HPSE2: variants seen among roughly 807,000 people sequenced by gnomAD.
The protein encoded by HPSE2 is inactive heparanase-2.
Under a neutral mutation model 60.5 loss-of-function variants are expected in HPSE2, and 38 were observed. That is an observed-to-expected ratio of 0.63 (90% CI 0.48 to 0.82). HPSE2 has a LOEUF of 0.82. HPSE2 is among the 40% of genes least tolerant of loss of function. The pLI, the probability that HPSE2 is intolerant of heterozygous loss-of-function variation, is 0.00. For synonymous variants in HPSE2, 295 were observed against 293.2 expected, an observed-to-expected ratio of 1.01 and a Z score of -0.06; for missense variants, 713 against 740.4, an observed-to-expected ratio of 0.96 and a Z score of 0.43.
the HPSE2 span, among the ~76,000 whole-genome samples, chr10:99,264,088 TC>T: frequency 6.6e-6 from 1 of 151,866 alleles, no homozygotes; most frequent in African/African-American, 2.4e-5. Flanking sequence ...CTTTTCTTTT[TC>T]TTTTTCTTTT....
intron 3 of HPSE2, among the ~76,000 whole-genome samples, chr10:99,057,012 GT>G (rs1958130254): frequency 1.3e-5 from 2 of 152,214 alleles, no homozygotes; most frequent in South Asian, 4.2e-4. Context: ...ATATGAACAG[GT>G]GAAATAATCT....
At chr10:98,867,294 GAAAA>G (rs200460520) in intron 3 of HPSE2, among the ~76,000 whole-genome samples, 1 of 140,100 alleles carries the variant, frequency 7.1e-6, no homozygotes, top group East Asian at 2.0e-4. Context: ...AACTCTATAG[GAAAA>G]AAAAAAAAAT....
chr10:99,164,631 T>C (rs892416452), intron 2 of HPSE2, among the ~76,000 whole-genome samples: 1 of 152,152 alleles, frequency 6.6e-6, no homozygotes, highest in African/African-American at 2.4e-5. Flanking sequence ...GAGAGGTATA[T>C]AGGCTTACTA....
intron 9 of HPSE2, among the ~76,000 whole-genome samples, chr10:98,535,467 C>T (rs1417020638): frequency 2.0e-5 from 3 of 151,994 alleles, no homozygotes; most frequent in South Asian, 4.1e-4. Context: ...AAATCATGGA[C>T]TCCTCTCTTG....
intron 3 of HPSE2, among the ~76,000 whole-genome samples, chr10:98,804,085 T>C (rs2134540595): frequency 6.6e-6 from 1 of 152,266 alleles, no homozygotes; most frequent in African/African-American, 2.4e-5. Flanking sequence ...TTTGAAGCAA[T>C]TGTGAATGGG....
At chr10:99,030,958 G>C (rs973832876) in intron 3 of HPSE2, among the ~76,000 whole-genome samples, 1 of 152,180 alleles carries the variant, frequency 6.6e-6, no homozygotes, top group African/African-American at 2.4e-5. Context: ...GACAGAGAGA[G>C]TAGAAAGATG....
chr10:98,692,712 T>C (rs1379449028), intron 6 of HPSE2, among the ~76,000 whole-genome samples: 11 of 152,190 alleles, frequency 7.2e-5, no homozygotes, highest in Admixed American at 7.2e-4. Context: ...GAGCTTGCAG[T>C]GAGCCGAGAT....
chr10:98,788,807 G>A (rs112836545), intron 3 of HPSE2, among the ~76,000 whole-genome samples: 5 of 150,628 alleles, frequency 3.3e-5, no homozygotes, highest in East Asian at 4.0e-4. Context: ...TTCGGCTCGA[G>A]CACGGTGCGC....
chr10:98,640,427 G>C (rs1240820991), intron 7 of HPSE2, among the ~76,000 whole-genome samples: 1 of 152,196 alleles, frequency 6.6e-6, no homozygotes, highest in African/African-American at 2.4e-5. Context: ...GAAGCTCTGA[G>C]GCTTCTCAGC....
intron 9 of HPSE2, among the ~76,000 whole-genome samples, chr10:98,514,850 C>A (rs1942544464): frequency 6.6e-6 from 1 of 150,916 alleles, no homozygotes; most frequent in East Asian, 2.0e-4. Context: ...TCCCAAGTAG[C>A]TGGGATTACA....
intron 3 of HPSE2, among the ~76,000 whole-genome samples, chr10:98,985,705 T>C (rs2135317713): frequency 1.3e-5 from 2 of 152,172 alleles, no homozygotes; most frequent in African/African-American, 4.8e-5. Context: ...GCAAATTGGA[T>C]AAAGAGTAAA....
the HPSE2 span, among the ~76,000 whole-genome samples, chr10:99,301,457 A>G: frequency 6.6e-6 from 1 of 152,188 alleles, no homozygotes; most frequent in Non-Finnish European, 1.5e-5. Context: ...TACTCCTGGG[A>G]CAAGGACTTT....
rs534563485 is a variant in HPSE2, at chr10:99,016,291, T to C, written c.610+127947A>G. Among the ~76,000 whole-genome samples, 120 of 152,338 alleles carry C rather than the reference T, an allele frequency of 7.9e-4. No homozygotes were observed. The Middle Eastern group carries it at 0.01, about 13-fold the overall frequency. On this transcript the variant is annotated intron_variant, in intron 3 of 11. Coordinates refer to ENST00000370552, the MANE Select transcript of HPSE2 (RefSeq NM_021828.5). ...CCAGCACCATTTATTGAATAGGGAA[T>C]CCTTTCCCCATTGCTTATTTTTATC... is the stretch of plus-strand genomic sequence containing the variant.
intron 5 of HPSE2, among the ~76,000 whole-genome samples, chr10:98,705,874 T>C (rs1589677494): frequency 6.6e-6 from 1 of 152,132 alleles, no homozygotes; most frequent in Non-Finnish European, 1.5e-5. Context: ...TGTAGACCTA[T>C]GTAACAAACC....
chr10:98,920,874 C>T (rs564714047), intron 3 of HPSE2, among the ~76,000 whole-genome samples: 3 of 152,316 alleles, frequency 2.0e-5, no homozygotes, highest in Admixed American at 6.5e-5. Context: ...TGGAGTACAA[C>T]GTTCATCCAC....
chr10:98,772,594 A>G lies in HPSE2; in HGVS notation c.611-28538T>C, dbSNP rs878880931. Among the ~76,000 whole-genome samples the G allele has an allele frequency of 3.9e-4, 60 of 152,336 alleles. 1 individual carries two copies. The highest frequency in any genetic ancestry group is 3.0e-3 in the Admixed American group (46 of 15,288). ...ATACAGGCTCTGAGCAGACAGTGAC[A>G]CCTGGAAACCCAAAGTATTATCATG... On this transcript the variant is annotated intron_variant, in intron 3 of 11. Transcript: ENST00000370552.
At chr10:98,706,629 T>C (rs1335003477) in intron 5 of HPSE2, among the ~76,000 whole-genome samples, 6 of 152,182 alleles carry the variant, frequency 3.9e-5, no homozygotes, top group Admixed American at 3.9e-4. Flanking sequence ...TTGTCTACAA[T>C]GTTGAATATG....
intron 4 of HPSE2, among the ~76,000 whole-genome samples, chr10:98,738,294 C>A (rs1565124717): frequency 1.3e-5 from 2 of 152,030 alleles, no homozygotes; most frequent in East Asian, 1.9e-4. Flanking sequence ...TAAAACTGGA[C>A]CCCTTACTTA....
chr10:98,901,589 G>A (rs558665993), intron 3 of HPSE2, among the ~76,000 whole-genome samples: 1 of 152,126 alleles, frequency 6.6e-6, no homozygotes, highest in Non-Finnish European at 1.5e-5. Flanking sequence ...ACTTCCCTCT[G>A]ATGGCCATAT....
Sources: allele counts gnomAD v4.1 joint callset (sites outside exome capture counted in the v4.1 genomes callset), GRCh38; gene constraint gnomAD v4.1.1; transcripts MANE v1.5; gene names NCBI Gene and HGNC (gene_info 2026-07-23, HGNC 2026-07-21).